Variants in RSPH14 observed in about 807,000 individuals in gnomAD.
RSPH14 encodes radial spoke head 14 homolog.
A neutral mutation model predicts 26.7 loss-of-function variants in RSPH14; 20 were observed. The observed-to-expected ratio is 0.75, with a 90% confidence interval of 0.53 to 1.09. The LOEUF (loss-of-function observed/expected upper bound fraction) is 1.09, where lower values mean the gene tolerates loss of function less well. RSPH14 is among the 50% of genes least tolerant of loss of function. RSPH14 has a pLI of 0.00. For synonymous variants in RSPH14, 177 were observed against 189.3 expected, an observed-to-expected ratio of 0.93 and a Z score of 0.53; for missense variants, 449 against 457.2, an observed-to-expected ratio of 0.98 and a Z score of 0.16.
chr22:23,156,111 T>TTC, the RSPH14 span: 1 of 1,156,982 alleles, frequency 8.6e-7, no homozygotes. Context: ...GAATCCCGAG[T>TTC]TCTCTGCACA....
chr22:23,150,007 G>A (rs945573909), upstream of RSPH14: 51 of 1,399,852 alleles, frequency 3.6e-5, no homozygotes, highest in South Asian at 4.2e-4. Flanking sequence ...GCTTGGCTAC[G>A]AGGGCGGAGC....
the RSPH14 span, among the ~76,000 whole-genome samples, chr22:23,177,781 T>G: frequency 6.6e-6 from 1 of 152,148 alleles, no homozygotes; most frequent in East Asian, 1.9e-4. Flanking sequence ...GAACAGAGCA[T>G]GCAAACTCAA....
Position 23,136,485 on chromosome 22 carries a change from C to T in RSPH14, c.303-2341G>A, listed in dbSNP as rs748423351. On this transcript the variant is annotated intron_variant, in intron 3 of 6. Coordinates refer to ENST00000216036, the MANE Select transcript of RSPH14 (RefSeq NM_014433.3). ...TTTCTGAGAACGCTGAAGGAGTGCA[C>T]GGGCCAGGCCATTATCAGGTCCCTG... Among the ~76,000 whole-genome samples the T allele has an allele frequency of 3.6e-5, 5 of 137,538 alleles. 2 individuals are homozygous for T. Among genetic ancestry groups the T allele is most frequent in the Non-Finnish European group, 4.8e-5 (3 of 61,912 alleles). 90.2% of individuals were successfully genotyped at this position (137,538 alleles called of 152,430 possible).
chr22:23,118,280 C>T lies in RSPH14; in HGVS notation c.421+15746G>A, dbSNP rs115680206. ...CGACGCCAAGCAGTGAGATTCCCAC[C>T]ATTGCACAAGCTTCTCACAGGAACT... is the stretch of plus-strand genomic sequence containing the variant. On this transcript the variant is annotated intron_variant, in intron 4 of 6. Transcript: ENST00000216036. Among the ~76,000 whole-genome samples, 313 of 152,360 alleles carry T rather than the reference C, an allele frequency of 2.1e-3. 3 individuals are homozygous for T. The highest frequency in any genetic ancestry group is 7.2e-3 in the African/African-American group (299 of 41,592).
intron 4 of RSPH14, among the ~76,000 whole-genome samples, chr22:23,118,240 C>T (rs1362529160): frequency 6.6e-6 from 1 of 152,248 alleles, no homozygotes; most frequent in East Asian, 1.9e-4. Flanking sequence ...GGTTACAAAT[C>T]ACCTCACCAT....
At chr22:23,105,515 G>A (rs750789674) in intron 4 of RSPH14, among the ~76,000 whole-genome samples, 6 of 152,230 alleles carry the variant, frequency 3.9e-5, no homozygotes, top group Non-Finnish European at 5.9e-5. Flanking sequence ...AGGCTGCAGT[G>A]CCAGCGGCTA....
At chr22:23,110,882 A>G (rs1315634845) in intron 4 of RSPH14, among the ~76,000 whole-genome samples, 1 of 152,134 alleles carries the variant, frequency 6.6e-6, no homozygotes, top group Non-Finnish European at 1.5e-5. Context: ...CACACGGGGC[A>G]ACTCAGGCCT....
intron 4 of RSPH14, among the ~76,000 whole-genome samples, chr22:23,068,636 G>T (rs1018473688): frequency 6.6e-6 from 1 of 152,244 alleles, no homozygotes; most frequent in African/African-American, 2.4e-5. Context: ...TCTCACTGTT[G>T]CATGTGGGCT....
intron 4 of RSPH14, among the ~76,000 whole-genome samples, chr22:23,088,006 G>C (rs918519487): frequency 6.6e-6 from 1 of 152,206 alleles, no homozygotes; most frequent in Non-Finnish European, 1.5e-5. Context: ...GGAGAGGGCT[G>C]TTACCGTCTT....
At chr22:23,123,870 C>T (rs147038488) in intron 4 of RSPH14, 112 of 218,428 alleles carry the variant, frequency 5.1e-4, no homozygotes, top group East Asian at 4.5e-3. Context: ...GCTCGCTGCC[C>T]GAGCTCTGGC....
chr22:23,090,020 C>G lies in RSPH14; in HGVS notation c.422-25887G>C, dbSNP rs182138453. ...TATGTCGCACTAAGTCCTAAGCGAC[C>G]TCCTGGTGAATTTGCCACACCCTTC... is the stretch of plus-strand genomic sequence containing the variant. On this transcript the variant is annotated intron_variant, in intron 4 of 6. Coordinates refer to ENST00000216036, the MANE Select transcript of RSPH14 (RefSeq NM_014433.3). 5.3e-5 allele frequency among the ~76,000 whole-genome samples: 8 copies of G among 152,248 alleles called. 1 individual carries two copies. In the East Asian group the frequency reaches 1.5e-3, roughly 29 times the overall value.
In RSPH14 at chr22:23,078,995, C is replaced by T. The variant is rs192757091; in HGVS notation, c.422-14862G>A. Reference sequence around the variant, plus strand: ...CCCAGAAGTCCCCAACTATCCCCTCCGTGAGCCACGTTGACCGATTCCTCA... The same window carrying T: ...CCCAGAAGTCCCCAACTATCCCCTCTGTGAGCCACGTTGACCGATTCCTCA... On this transcript the variant is annotated intron_variant, in intron 4 of 6. Coordinates refer to ENST00000216036, the MANE Select transcript of RSPH14 (RefSeq NM_014433.3). Among the ~76,000 whole-genome samples the T allele has an allele frequency of 7.4e-4, 113 of 152,270 alleles. No homozygotes were observed. In the South Asian group the frequency reaches 0.01, roughly 14 times the overall value.
At chr22:23,139,776 T>A (rs2070557268) in intron 2 of RSPH14, among the ~76,000 whole-genome samples, 1 of 152,170 alleles carries the variant, frequency 6.6e-6, no homozygotes, top group South Asian at 2.1e-4. Context: ...ATTAAGATAA[T>A]CCAGGCTGGG....
intron 4 of RSPH14, among the ~76,000 whole-genome samples, chr22:23,116,898 C>T (rs1476764137): frequency 1.3e-5 from 2 of 152,184 alleles, no homozygotes; most frequent in African/African-American, 4.8e-5. Flanking sequence ...GGGAGGGGGA[C>T]AGGCCCCTGG....
At chr22:23,156,021 GGGGTGCCCA>G in the RSPH14 span, 1 of 1,612,050 alleles carries the variant, frequency 6.2e-7, no homozygotes, top group South Asian at 1.1e-5. Flanking sequence ...GCCTACTACC[GGGGTGCCCA>G]GGGTGAGCAA....
intron 4 of RSPH14, among the ~76,000 whole-genome samples, chr22:23,093,697 G>A (rs867870671): frequency 1.4e-4 from 22 of 152,214 alleles, no homozygotes; most frequent in African/African-American, 5.1e-4. Context: ...AGTCGCCAGA[G>A]GCCACACAAC....
At chr22:23,135,317 CAAAAAAAAA>C (rs55649510) in intron 3 of RSPH14, among the ~76,000 whole-genome samples, 2 of 85,884 alleles carry the variant, frequency 2.3e-5, no homozygotes, top group South Asian at 4.6e-4. Context: ...ACTAAAAATA[CAAAAAAAAA>C]AAAAAAAAAA....
At chr22:23,153,622 G>A in the RSPH14 span, 2 of 984,324 alleles carry the variant, frequency 2.0e-6, no homozygotes, top group South Asian at 9.4e-5. Context: ...CAGGTCTGAG[G>A]CACTCGTCTT....
chr22:23,145,614 C>T (rs1056766037), upstream of RSPH14: 11 of 1,521,764 alleles, frequency 7.2e-6, no homozygotes, highest in African/African-American at 1.1e-4. Context: ...TGGCACATCC[C>T]GAGGCCAGGG....
Sources: allele counts gnomAD v4.1 joint callset (sites outside exome capture counted in the v4.1 genomes callset), GRCh38; gene constraint gnomAD v4.1.1; transcripts MANE v1.5; gene names NCBI Gene and HGNC (gene_info 2026-07-23, HGNC 2026-07-21).